SMYD3: variants seen among roughly 807,000 people sequenced by gnomAD.
SMYD3 encodes the protein SET and MYND domain containing 3.
Under a neutral mutation model 57.7 loss-of-function variants are expected in SMYD3, and 36 were observed. That is an observed-to-expected ratio of 0.62 (90% CI 0.48 to 0.82). The LOEUF (loss-of-function observed/expected upper bound fraction) is 0.82. SMYD3 is among the 40% of genes least tolerant of loss of function. The probability of loss-of-function intolerance (pLI) is 0.00; values close to 1 mark genes in which losing one functional copy is unlikely to be tolerated. For missense variants in SMYD3, 515 were observed against 538.8 expected (o/e 0.96, Z 0.44); for synonymous variants, 211 against 195.0 (o/e 1.08, Z -0.68).
At chr1:246,282,338 A>AAAG (rs2064466774) in intron 5 of SMYD3, among the ~76,000 whole-genome samples, 1 of 124,546 alleles carries the variant, frequency 8.0e-6, no homozygotes, top group Non-Finnish European at 1.7e-5. Context: ...AAAAAAAAAA[A>AAAG]AAGCAAAAAA....
At chr1:245,984,643 C>T (rs2058667294) in intron 5 of SMYD3, among the ~76,000 whole-genome samples, 1 of 152,174 alleles carries the variant, frequency 6.6e-6, no homozygotes, top group South Asian at 2.1e-4. Flanking sequence ...TAACAATTTC[C>T]AGGTGATGTT....
chr1:245,765,082 CCA>C (rs2046023148), intron 10 of SMYD3, among the ~76,000 whole-genome samples: 1 of 117,756 alleles, frequency 8.5e-6, no homozygotes, highest in Admixed American at 1.0e-4. Flanking sequence ...ACACACAAAA[CCA>C]CAGTTTAAAT....
chr1:246,253,673 T>G (rs1213631631), intron 5 of SMYD3, among the ~76,000 whole-genome samples: 1 of 152,226 alleles, frequency 6.6e-6, no homozygotes, highest in African/African-American at 2.4e-5. Flanking sequence ...AATGTTTTAC[T>G]TCCTTGGTTG....
intron 11 of SMYD3, among the ~76,000 whole-genome samples, chr1:245,761,957 T>C (rs934703615): frequency 2.0e-5 from 3 of 152,002 alleles, no homozygotes; most frequent in African/African-American, 7.3e-5. Context: ...AGCTAATTTT[T>C]GTATTTTTGT....
chr1:246,469,662 T>C (rs1248041442), intron 1 of SMYD3, among the ~76,000 whole-genome samples: 1 of 151,998 alleles, frequency 6.6e-6, no homozygotes, highest in Non-Finnish European at 1.5e-5. Context: ...CATAAATAAA[T>C]AGAGGAGAAG....
chr1:246,115,636 G>A (rs1191200823), intron 5 of SMYD3, among the ~76,000 whole-genome samples: 2 of 152,156 alleles, frequency 1.3e-5, no homozygotes, highest in African/African-American at 2.4e-5. Context: ...TTCACTGGAC[G>A]GCAGTGCATT....
intron 5 of SMYD3, among the ~76,000 whole-genome samples, chr1:246,113,181 CAAAA>C (rs1553292491): frequency 7.7e-6 from 1 of 129,174 alleles, no homozygotes; most frequent in Non-Finnish European, 1.7e-5. Flanking sequence ...GACTCTGTCT[CAAAA>C]AATAAATAAA....
At chr1:245,788,386 A>G (rs184412479) in intron 10 of SMYD3, among the ~76,000 whole-genome samples, 1 of 152,332 alleles carries the variant, frequency 6.6e-6, no homozygotes, top group African/African-American at 2.4e-5. Flanking sequence ...TGTGGTCTGC[A>G]TTCCTCTACT....
At chr1:246,138,739 A>T (rs1019988557) in intron 5 of SMYD3, among the ~76,000 whole-genome samples, 4 of 152,038 alleles carry the variant, frequency 2.6e-5, no homozygotes, top group East Asian at 1.9e-4. Context: ...ATTTATTTTT[A>T]AAAAAAGTTT....
At chr1:245,977,546 G>A (rs144818758) in intron 5 of SMYD3, among the ~76,000 whole-genome samples, 1,790 of 152,258 alleles carry the variant, frequency 0.012, 35 homozygotes, top group African/African-American at 0.041. Flanking sequence ...AGGTGTGGTG[G>A]TGCATGCCTG....
At chr1:246,121,937 G>A (rs2061431000) in intron 5 of SMYD3, among the ~76,000 whole-genome samples, 1 of 151,160 alleles carries the variant, frequency 6.6e-6, no homozygotes, top group Admixed American at 6.6e-5. Flanking sequence ...TGAAACTTCA[G>A]TTAATACAAC....
intron 5 of SMYD3, among the ~76,000 whole-genome samples, chr1:246,319,644 C>T (rs910256912): frequency 1.6e-4 from 24 of 152,096 alleles, no homozygotes; most frequent in Non-Finnish European, 5.9e-5. Context: ...AACTTGAAAC[C>T]CTCAAGTGAC....
At chr1:245,786,212 A>G (rs372160749) in intron 10 of SMYD3, among the ~76,000 whole-genome samples, 2 of 78,404 alleles carry the variant, frequency 2.6e-5, no homozygotes, top group African/African-American at 1.3e-4. Context: ...TGGGGTGTGG[A>G]CGGGGGGGGG....
intron 5 of SMYD3, among the ~76,000 whole-genome samples, chr1:246,291,031 C>T (rs1041239502): frequency 5.1e-5 from 7 of 137,592 alleles, no homozygotes; most frequent in Non-Finnish European, 9.3e-5. Flanking sequence ...AGCTTTTAAG[C>T]GTGATAAAAA....
intron 5 of SMYD3, among the ~76,000 whole-genome samples, chr1:246,033,754 T>C (rs1015007339): frequency 6.6e-6 from 1 of 152,062 alleles, no homozygotes; most frequent in African/African-American, 2.4e-5. Flanking sequence ...GCTACCGCAC[T>C]CCAGCCTGGG....
chr1:245,915,563 T>A lies in SMYD3; in HGVS notation c.780A>T (p.Glu260Asp). Residue 260 changes from glutamate (E) to aspartate (D), a missense_variant, in exon 8 of 12, where the codon GAA (glutamate) becomes GAT (aspartate). Coordinates refer to ENST00000490107, the MANE Select transcript of SMYD3 (RefSeq NM_001167740.2). Reference sequence around the variant, plus strand: ...GGGTTTGGCAACGGAAACAGTCACATTCAAAGCAGTACTGGTCCCTCAGCT... The same window carrying A: ...GGGTTTGGCAACGGAAACAGTCACAATCAAAGCAGTACTGGTCCCTCAGCT... Reference protein sequence around the residue: ...RKQLRDQYCFECDCFRCQTQD... With the variant: ...RKQLRDQYCFDCDCFRCQTQD... The A allele has an allele frequency of 6.2e-7, 1 of 1,613,902 alleles. No homozygotes were observed. The highest frequency in any genetic ancestry group is 1.1e-5 in the South Asian group (1 of 91,022).
intron 5 of SMYD3, among the ~76,000 whole-genome samples, chr1:246,242,304 C>T (rs1201236454): frequency 6.6e-6 from 1 of 152,056 alleles, no homozygotes; most frequent in Non-Finnish European, 1.5e-5. Flanking sequence ...TCGTTCTCAT[C>T]AGTTTCAAAG....
chr1:246,014,472 C>A (rs747685352), intron 5 of SMYD3, among the ~76,000 whole-genome samples: 4 of 152,214 alleles, frequency 2.6e-5, no homozygotes, highest in Middle Eastern at 6.8e-3. Flanking sequence ...GAACTTTGAA[C>A]GAAGAGTCAC....
At chr1:246,003,703 T>C (rs936930272) in intron 5 of SMYD3, among the ~76,000 whole-genome samples, 8 of 152,206 alleles carry the variant, frequency 5.3e-5, no homozygotes, top group African/African-American at 1.9e-4. Flanking sequence ...CTCTTTAAAT[T>C]ACATACAGAT....
Sources: gnomAD v4.1 joint callset for allele counts (sites outside exome capture counted in the v4.1 genomes callset) on GRCh38, gnomAD v4.1.1 for gene constraint, MANE v1.5 for transcripts, NCBI Gene and HGNC (gene_info 2026-07-23, HGNC 2026-07-21) for gene names.